The following EGFLAM variants were observed in gnomAD, a reference collection of about 807,000 sequenced individuals.
EGFLAM encodes the protein pikachurin.
In EGFLAM, 79 loss-of-function variants were observed where a neutral mutation model predicts 113.1. The observed-to-expected ratio is 0.70, with a 90% CI of 0.58 to 0.84. The LOEUF (loss-of-function observed/expected upper bound fraction) is 0.84. EGFLAM is among the 40% of genes least tolerant of loss of function. The pLI is 0.00. For missense variants in EGFLAM, 1,265 were observed against 1,291.6 expected (o/e 0.98, Z 0.32); for synonymous variants, 504 against 487.6 (o/e 1.03, Z -0.44).
chr5:38,380,382 G>A (rs1384872871), intron 6 of EGFLAM, among the ~76,000 whole-genome samples: 1 of 152,206 alleles, frequency 6.6e-6, no homozygotes. Context: ...TCTTAAAGAA[G>A]AGACCTGGAG....
chr5:38,395,329 G>A (rs1015801846), intron 6 of EGFLAM, among the ~76,000 whole-genome samples: 29 of 150,324 alleles, frequency 1.9e-4, no homozygotes, highest in African/African-American at 6.6e-4. Context: ...CTACAGCCTG[G>A]AACTCCTGAG....
At chr5:38,347,497 G>A (rs2561117) in intron 3 of EGFLAM, among the ~76,000 whole-genome samples, 122 of 152,218 alleles carry the variant, frequency 8.0e-4, no homozygotes, top group East Asian at 6.4e-3. Flanking sequence ...AGACTGGGGC[G>A]GGGCCAGAGA....
chr5:38,359,072 A>G (rs1739850396), intron 5 of EGFLAM, among the ~76,000 whole-genome samples: 1 of 152,170 alleles, frequency 6.6e-6, no homozygotes, highest in African/African-American at 2.4e-5. Flanking sequence ...AATATCTGAG[A>G]AACCTTCCCC....
At chr5:38,273,231 C>A (rs75636349) in intron 1 of EGFLAM, among the ~76,000 whole-genome samples, 8 of 152,210 alleles carry the variant, frequency 5.3e-5, no homozygotes, top group African/African-American at 1.7e-4. Context: ...TTGCTTTGCA[C>A]TCTAATTCTG....
chr5:38,371,417 C>G (rs1740208568), intron 6 of EGFLAM, among the ~76,000 whole-genome samples: 1 of 152,146 alleles, frequency 6.6e-6, no homozygotes, highest in South Asian at 2.1e-4. Context: ...CTCCTCTCCT[C>G]ACAAAGCACC....
intron 1 of EGFLAM, among the ~76,000 whole-genome samples, chr5:38,288,248 G>C (rs1045184353): frequency 2.0e-5 from 3 of 152,114 alleles, no homozygotes; most frequent in Admixed American, 6.5e-5. Flanking sequence ...ATGTGGTAAG[G>C]CTGTTTTATT....
At position 38,410,574 on chromosome 5, in the gene EGFLAM, G is replaced by A. The variant is rs547867308; in HGVS notation, c.1349+1470G>A. On this transcript the variant is annotated intron_variant, in intron 10 of 21. Transcript: ENST00000322350. Reference sequence around the variant, plus strand: ...TGCCGGCTACGACTCCTTCCCCACCGGCAGTCTCAGGATCCATGTGGAAGA... The same window carrying A: ...TGCCGGCTACGACTCCTTCCCCACCAGCAGTCTCAGGATCCATGTGGAAGA... Among the ~76,000 whole-genome samples, 39 of 152,268 alleles carry A rather than the reference G, an allele frequency of 2.6e-4. No individual in the cohort carries two copies. In the South Asian group the frequency reaches 7.7e-3, roughly 30 times the overall value.
intron 12 of EGFLAM, among the ~76,000 whole-genome samples, chr5:38,422,154 T>G (rs915292139): frequency 3.9e-5 from 6 of 152,170 alleles, no homozygotes; most frequent in African/African-American, 1.2e-4. Context: ...TGTTCCACAT[T>G]CTTTCCCCTC....
intron 6 of EGFLAM, among the ~76,000 whole-genome samples, chr5:38,386,463 G>T (rs767371166): frequency 6.6e-6 from 1 of 152,140 alleles, no homozygotes; most frequent in African/African-American, 2.4e-5. Context: ...AAAGTGCTGA[G>T]ATTACAGGCG....
At chr5:38,394,699 G>A (rs935338664) in intron 6 of EGFLAM, among the ~76,000 whole-genome samples, 6 of 141,268 alleles carry the variant, frequency 4.2e-5, no homozygotes, top group African/African-American at 5.3e-5. Flanking sequence ...GTGAGCCACC[G>A]CGCCGGGCCC....
At chr5:38,294,845 G>A (rs1758416254) in intron 1 of EGFLAM, among the ~76,000 whole-genome samples, 1 of 151,870 alleles carries the variant, frequency 6.6e-6, no homozygotes, top group Non-Finnish European at 1.5e-5. Context: ...TGGTGGAGGG[G>A]ACAATGTTTT....
At chr5:38,302,381 G>T (rs1169404028) in intron 1 of EGFLAM, among the ~76,000 whole-genome samples, 3 of 152,250 alleles carry the variant, frequency 2.0e-5, no homozygotes, top group African/African-American at 7.2e-5. Flanking sequence ...TCACATTTCA[G>T]CTGGGCCATC....
At chr5:38,326,020 T>G (rs2111908606) in intron 1 of EGFLAM, among the ~76,000 whole-genome samples, 1 of 152,316 alleles carries the variant, frequency 6.6e-6, no homozygotes, top group African/African-American at 2.4e-5. Flanking sequence ...AAAAAACTCT[T>G]CCACTCAGTT....
intron 7 of EGFLAM, 46 bp from the exon 8 acceptor site, chr5:38,406,782 C>A: frequency 6.4e-7 from 1 of 1,554,536 alleles, no homozygotes; most frequent in South Asian, 1.2e-5. Context: ...AGTCCAATTG[C>A]CATGCTCTGT....
intron 5 of EGFLAM, among the ~76,000 whole-genome samples, chr5:38,356,566 T>G (rs1303684469): frequency 1.3e-5 from 2 of 152,186 alleles, no homozygotes; most frequent in African/African-American, 4.8e-5. Flanking sequence ...CCGGTGCTCT[T>G]TTTATGAATC....
At chr5:38,437,740 C>G (rs1468759248) in intron 16 of EGFLAM, among the ~76,000 whole-genome samples, 1 of 152,104 alleles carries the variant, frequency 6.6e-6, no homozygotes, top group South Asian at 2.1e-4. Context: ...GCCAGTCTTC[C>G]GGAACCAGAG....
At chr5:38,269,008 C>G (rs775184570) in intron 1 of EGFLAM, among the ~76,000 whole-genome samples, 3 of 152,098 alleles carry the variant, frequency 2.0e-5, no homozygotes, top group Non-Finnish European at 2.9e-5. Flanking sequence ...GAAACCGCAT[C>G]TCTACTAAAA....
Position 38,451,324 on chromosome 5 carries a change from A to G in EGFLAM, c.2553A>G (p.Gly851=). The G allele has an allele frequency of 6.2e-7, 1 of 1,613,470 alleles. No individual in the cohort carries two copies. The highest frequency in any genetic ancestry group is 8.5e-7 in the Non-Finnish European group (1 of 1,179,530). ...DNPDILKRVS[G]SRSNVFMRFK... is the part of the protein sequence containing the mutation. Reference sequence around the variant, plus strand: ...TGTGTATTTCCTCCAGGGTGTCAGGATCAAGATCAAATGTGTTCATGAGGT... The same window carrying G: ...TGTGTATTTCCTCCAGGGTGTCAGGGTCAAGATCAAATGTGTTCATGAGGT... The change falls in exon 19 of 22, where the codon GGA becomes GGG. Residue 851 remains glycine, a synonymous_variant. Transcript: ENST00000322350.
chr5:38,328,507 G>A (rs1380589408), intron 1 of EGFLAM, among the ~76,000 whole-genome samples: 2 of 152,100 alleles, frequency 1.3e-5, no homozygotes, highest in Non-Finnish European at 2.9e-5. Context: ...ATTGCATATT[G>A]CCGCCAAAGT....
Sources: allele counts gnomAD v4.1 joint callset (sites outside exome capture counted in the v4.1 genomes callset), GRCh38; gene constraint gnomAD v4.1.1; transcripts MANE v1.5; gene names NCBI Gene and HGNC (gene_info 2026-07-23, HGNC 2026-07-21).